PNISR: variants seen among roughly 807,000 people sequenced by gnomAD.
PNISR encodes the protein PNN interacting serine and arginine rich protein, also known as arginine/serine-rich protein PNISR.
A neutral mutation model predicts 93.4 loss-of-function variants in PNISR; 20 were observed. The observed-to-expected ratio is 0.21, with a 90% confidence interval of 0.15 to 0.31. The LOEUF (loss-of-function observed/expected upper bound fraction) is 0.31, where lower values mean the gene tolerates loss of function less well. Among genes scored for constraint, PNISR ranks in the 10% least tolerant of loss-of-function variants. The pLI is 1.00. For synonymous variants in PNISR, 305 were observed against 306.5 expected (o/e 0.99, Z 0.05); for missense variants, 893 against 985.4 (o/e 0.91, Z 1.25).
At chr6:99,423,734 CTG>C (rs1778976203) in intron 1 of PNISR, among the ~76,000 whole-genome samples, 2 of 152,192 alleles carry the variant, frequency 1.3e-5, no homozygotes, top group Non-Finnish European at 2.9e-5. Flanking sequence ...GTCAAGGTCA[CTG>C]TATTAGTTTG....
intron 5 of PNISR, 90 bp from the exon 6 acceptor site, chr6:99,409,434 T>C: frequency 8.7e-7 from 1 of 1,150,240 alleles, no homozygotes; most frequent in Non-Finnish European, 1.2e-6. Context: ...ACAGTAGAAA[T>C]CCATGTGTGC....
chr6:99,422,918 G>A (rs546679636), intron 1 of PNISR, among the ~76,000 whole-genome samples: 10 of 147,848 alleles, frequency 6.8e-5, no homozygotes, highest in African/African-American at 2.2e-4. Flanking sequence ...TTGGAGAGTC[G>A]GTTATAAATA....
intron 8 of PNISR, 68 bp downstream of exon 8, chr6:99,405,963 A>C (rs1485330856): frequency 9.0e-7 from 1 of 1,111,598 alleles, no homozygotes; most frequent in Non-Finnish European, 1.3e-6. Flanking sequence ...TTTTCCTCTA[A>C]TATTGTCTCC....
chr6:99,408,549 T>C (rs1202917158), intron 6 of PNISR, among the ~76,000 whole-genome samples: 1 of 152,112 alleles, frequency 6.6e-6, no homozygotes, highest in African/African-American at 2.4e-5. Flanking sequence ...CTCGAAAAAA[T>C]TAAGTGATTT....
chr6:99,423,100 A>C (rs760734561), intron 1 of PNISR, among the ~76,000 whole-genome samples: 1 of 152,058 alleles, frequency 6.6e-6, no homozygotes, highest in Non-Finnish European at 1.5e-5. Flanking sequence ...GGAAATATAA[A>C]AGATGAGTCT....
chr6:99,410,474 C>A, intron 5 of PNISR: 1 of 378,440 alleles, frequency 2.6e-6, no homozygotes, highest in African/African-American at 2.0e-5. Context: ...GAAAATAAAA[C>A]ATCATATAGC....
chr6:99,416,917 G>A (rs575272820), intron 1 of PNISR, among the ~76,000 whole-genome samples: 4 of 152,242 alleles, frequency 2.6e-5, no homozygotes, highest in African/African-American at 9.6e-5. Flanking sequence ...TTGAAAGAAA[G>A]ACAAATTTAT....
Position 99,410,904 on chromosome 6 carries a change from G to A in PNISR, c.338C>T (p.Thr113Ile). The A allele has an allele frequency of 1.9e-6, 3 of 1,614,106 alleles. No homozygotes were observed. The highest frequency in any genetic ancestry group is 2.5e-6 in the Non-Finnish European group (3 of 1,179,976). The change falls in exon 5 of 12, where the codon ACA becomes ATA. Residue 113 changes from threonine to isoleucine, a missense_variant. By Grantham distance (89) the Thr-to-Ile change is moderately conservative (BLOSUM62 -1). Around this residue, in one of 3 missense-constraint regions of PNISR, gnomAD observed 866 missense variants for 935.1 expected, o/e 0.93. Coordinates refer to ENST00000369239, the MANE Select transcript of PNISR (RefSeq NM_032870.4). ...PPPDQPWMPP[T>I]PGPMDIVPPS... ...AGGAACAATGTCCATTGGGCCTGGT[G>A]TTGGTGGCATCCATGGCTGATCTGG...
intron 9 of PNISR, chr6:99,404,344 G>C: frequency 2.2e-6 from 1 of 463,398 alleles, no homozygotes. Flanking sequence ...GAAATAAACT[G>C]AACACCTGGA....
chr6:99,415,744 T>C (rs567918636), intron 2 of PNISR: 1 of 152,298 alleles, frequency 6.6e-6, no homozygotes, highest in East Asian at 1.9e-4. Flanking sequence ...TCCTTTCCTG[T>C]ATGCTAAAAA....
intron 8 of PNISR, 139 bp from the exon 9 acceptor site, chr6:99,404,841 T>G: frequency 1.8e-6 from 1 of 559,072 alleles, no homozygotes; most frequent in Non-Finnish European, 3.2e-6. Context: ...CATACTGGCG[T>G]GATATTGGCT....
At chr6:99,423,476 G>A (rs1778912661) in intron 1 of PNISR, among the ~76,000 whole-genome samples, 1 of 152,158 alleles carries the variant, frequency 6.6e-6, no homozygotes, top group South Asian at 2.1e-4. Context: ...AAAAAGGGGT[G>A]GGGGAAGTAA....
At chr6:99,404,378 G>A in intron 9 of PNISR, 1 of 521,488 alleles carries the variant, frequency 1.9e-6, no homozygotes. Flanking sequence ...CATTTTAGAG[G>A]AAAACAGCAT....
chr6:99,406,758 CTTTG>C (rs1473374247), intron 7 of PNISR, among the ~76,000 whole-genome samples: 4 of 152,100 alleles, frequency 2.6e-5, no homozygotes, highest in Non-Finnish European at 5.9e-5. Flanking sequence ...TGTCTCCTGT[CTTTG>C]TATGGTTTTA....
intron 9 of PNISR, 92 bp from the exon 10 acceptor site, chr6:99,403,974 T>A: frequency 1.2e-6 from 1 of 808,584 alleles, no homozygotes. Context: ...AATCTACTAC[T>A]ATTGCTGCTT....
chr6:99,402,519 A>G (rs777514283), intron 11 of PNISR, 21 bp downstream of exon 11: 1 of 1,492,480 alleles, frequency 6.7e-7, no homozygotes, highest in Non-Finnish European at 9.0e-7. Flanking sequence ...ACCAAAATTA[A>G]GTCTAAAAGG....
At chr6:99,416,102 A>G (rs11965471) in intron 2 of PNISR, 5,965 of 296,778 alleles carry the variant, frequency 0.02, 316 homozygotes, top group African/African-American at 0.12. Context: ...ACATAGCACA[A>G]ATGAGGCCAA....
intron 5 of PNISR, chr6:99,410,212 CCA>C (rs1281993113): frequency 6.5e-6 from 1 of 153,714 alleles, no homozygotes; most frequent in African/African-American, 2.4e-5. Context: ...ACACTATTCC[CCA>C]CAGAGTTCTA....
chr6:99,400,804 T>C lies in PNISR; in HGVS notation c.2154A>G (p.Glu718=). 6.2e-7 allele frequency: 1 copy of C among 1,611,942 alleles called. No individual in the cohort carries two copies. The highest frequency in any genetic ancestry group is 8.5e-7 in the Non-Finnish European group (1 of 1,178,498). The change falls in exon 12 of 12, where the codon GAA becomes GAG. Residue 718 remains glutamate (E), a synonymous_variant. Coordinates refer to ENST00000369239, the MANE Select transcript of PNISR (RefSeq NM_032870.4). ...TAGAACCACTCCTAGAAAATGTTCTTTCACTTTCTCGTTTCCTTTTTAATC... is the reference window on the plus strand; with the variant it reads ...TAGAACCACTCCTAGAAAATGTTCTCTCACTTTCTCGTTTCCTTTTTAATC... ...DDRLKRKRES[E]RTFSRSGSIS...
Sources: gnomAD v4.1 joint callset for allele counts (sites outside exome capture counted in the v4.1 genomes callset) on GRCh38, gnomAD v4.1.1 for gene constraint, gnomAD v4.1.1 regional missense constraint, MANE v1.5 for transcripts, NCBI Gene and HGNC (gene_info 2026-07-23, HGNC 2026-07-21) for gene names.